The following UNC13C variants were observed in gnomAD, a reference collection of about 807,000 sequenced individuals.
The protein encoded by UNC13C is unc-13 homolog C.
Under a neutral mutation model 245.4 loss-of-function variants are expected in UNC13C, and 174 were observed. The ratio of observed to expected loss-of-function variants is 0.71; its 90% confidence interval spans 0.63 to 0.80. UNC13C has a LOEUF of 0.80. Ranked by LOEUF, UNC13C falls within the 30% of genes least tolerant of loss-of-function variation. The probability of loss-of-function intolerance (pLI) is 0.00; values close to 1 mark genes in which losing one functional copy is unlikely to be tolerated. For synonymous variants in UNC13C, 992 were observed against 895.1 expected, an observed-to-expected ratio of 1.11 and a Z score of -1.93; for missense variants, 2,829 against 2,602.9, an observed-to-expected ratio of 1.09 and a Z score of -1.89.
At chr15:54,227,513 G>A (rs1312403213) in intron 4 of UNC13C, among the ~76,000 whole-genome samples, 2 of 152,184 alleles carry the variant, frequency 1.3e-5, no homozygotes, top group African/African-American at 4.8e-5. Context: ...CTCCCTTCCT[G>A]AGCTCTTTGG....
chr15:54,090,298 A>G (rs1243078992), intron 2 of UNC13C, among the ~76,000 whole-genome samples: 1 of 107,008 alleles, frequency 9.3e-6, no homozygotes, highest in Non-Finnish European at 2.4e-5. Context: ...TACTATAGAA[A>G]ACAAAAAAAA....
chr15:54,229,681 G>A (rs1321467209), intron 4 of UNC13C, among the ~76,000 whole-genome samples: 4 of 151,936 alleles, frequency 2.6e-5, no homozygotes, highest in African/African-American at 9.7e-5. Context: ...ACAGTATATT[G>A]TTATGAACTA....
the UNC13C span, among the ~76,000 whole-genome samples, chr15:53,853,397 C>G: frequency 6.6e-6 from 1 of 152,194 alleles, no homozygotes; most frequent in Non-Finnish European, 1.5e-5. Context: ...TTTATCCAGT[C>G]TATCATTGAT....
chr15:54,194,608 C>G (rs1312702869), intron 4 of UNC13C, among the ~76,000 whole-genome samples: 1 of 152,066 alleles, frequency 6.6e-6, no homozygotes, highest in East Asian at 1.9e-4. Flanking sequence ...TGCTTCAAAG[C>G]TACTTTATGA....
chr15:54,414,928 G>T (rs1159813370), intron 18 of UNC13C, 54 bp from the exon 19 acceptor site: 1 of 1,393,984 alleles, frequency 7.2e-7, no homozygotes, highest in Non-Finnish European at 1.0e-6. Flanking sequence ...CTGTATTTTG[G>T]TTTTTAGGCA....
intron 15 of UNC13C, among the ~76,000 whole-genome samples, chr15:54,332,835 C>CCATG (rs2038475452): frequency 6.6e-6 from 1 of 151,792 alleles, no homozygotes; most frequent in Admixed American, 6.6e-5. Context: ...TATCTATCTC[C>CCATG]CATGCATTCA....
intron 17 of UNC13C, among the ~76,000 whole-genome samples, chr15:54,381,660 C>G (rs867994322): frequency 1.3e-5 from 2 of 151,940 alleles, no homozygotes; most frequent in Non-Finnish European, 2.9e-5. Context: ...ATTTAGATGT[C>G]TTTCACCTTC....
At chr15:54,108,090 T>G (rs929822313) in intron 2 of UNC13C, among the ~76,000 whole-genome samples, 1 of 152,210 alleles carries the variant, frequency 6.6e-6, no homozygotes, top group Non-Finnish European at 1.5e-5. Context: ...TTTTATTCTG[T>G]TTCGCAGGAA....
intron 29 of UNC13C, among the ~76,000 whole-genome samples, chr15:54,558,259 A>G (rs567044576): frequency 5.3e-4 from 81 of 152,212 alleles, no homozygotes; most frequent in African/African-American, 1.9e-3. Flanking sequence ...TAATAATAAA[A>G]AAAGAATGAT....
the UNC13C span, among the ~76,000 whole-genome samples, chr15:53,851,464 A>G: frequency 6.6e-6 from 1 of 152,110 alleles, no homozygotes; most frequent in African/African-American, 2.4e-5. Context: ...GGGATGTTCA[A>G]CCATGGTTTC....
intron 13 of UNC13C, among the ~76,000 whole-genome samples, chr15:54,315,745 T>C (rs1054116859): frequency 1.3e-5 from 2 of 151,760 alleles, no homozygotes; most frequent in Non-Finnish European, 1.5e-5. Context: ...CCACCTTCAA[T>C]TTTTTTCAAT....
At chr15:54,439,841 G>C (rs1054805469) in intron 19 of UNC13C, among the ~76,000 whole-genome samples, 1 of 151,826 alleles carries the variant, frequency 6.6e-6, no homozygotes, top group Non-Finnish European at 1.5e-5. Context: ...ATATATTATT[G>C]TTGACCATTC....
At chr15:53,861,426 G>T in the UNC13C span, among the ~76,000 whole-genome samples, 6 of 151,226 alleles carry the variant, frequency 4.0e-5, no homozygotes, top group African/African-American at 1.5e-4. Context: ...TATTTTTTGC[G>T]TGTTGTTATT....
chr15:54,486,040 A>G (rs1056119064), intron 19 of UNC13C, among the ~76,000 whole-genome samples: 4 of 152,088 alleles, frequency 2.6e-5, no homozygotes, highest in Non-Finnish European at 5.9e-5. Context: ...ATTGTCTGCC[A>G]CTTGTCACTA....
chr15:54,038,343 G>A (rs971923521), intron 2 of UNC13C, among the ~76,000 whole-genome samples: 1 of 151,282 alleles, frequency 6.6e-6, no homozygotes, highest in Non-Finnish European at 1.5e-5. Flanking sequence ...TGTTGGCTGG[G>A]CTGGTCTGGG....
chr15:54,074,860 C>G (rs996679146), intron 2 of UNC13C, among the ~76,000 whole-genome samples: 6 of 144,422 alleles, frequency 4.2e-5, no homozygotes, highest in African/African-American at 7.5e-5. Flanking sequence ...ATTTGAATAC[C>G]CTTTATTTCT....
chr15:54,306,497 C>G (rs943276435), intron 13 of UNC13C, among the ~76,000 whole-genome samples: 21 of 151,858 alleles, frequency 1.4e-4, no homozygotes, highest in African/African-American at 4.6e-4. Context: ...TTTGGGAGTT[C>G]TTGATGCTTT....
intron 19 of UNC13C, among the ~76,000 whole-genome samples, chr15:54,441,733 G>A (rs755976818): frequency 1.3e-5 from 2 of 151,728 alleles, no homozygotes; most frequent in African/African-American, 2.4e-5. Flanking sequence ...GAAAAACTAC[G>A]TTGGTATTTT....
chr15:54,597,052 G>T (rs1899126510), intron 30 of UNC13C, among the ~76,000 whole-genome samples: 1 of 152,160 alleles, frequency 6.6e-6, no homozygotes, highest in Non-Finnish European at 1.5e-5. Flanking sequence ...GCCAGAGACT[G>T]GTTTCATCTT....
Sources: gnomAD v4.1 joint callset for allele counts (sites outside exome capture counted in the v4.1 genomes callset) on GRCh38, gnomAD v4.1.1 for gene constraint, MANE v1.5 for transcripts, NCBI Gene and HGNC (gene_info 2026-07-23, HGNC 2026-07-21) for gene names.